The following RANBP2 variants were observed in gnomAD, a reference collection of about 807,000 sequenced individuals.
The protein encoded by RANBP2 is E3 SUMO-protein ligase RanBP2.
A neutral mutation model predicts 303.6 loss-of-function variants in RANBP2; 57 were observed. That is an observed-to-expected ratio of 0.19 (90% CI 0.15 to 0.23). The LOEUF is 0.23. RANBP2 is among the 10% of genes least tolerant of loss of function. The pLI is 1.00. For synonymous variants in RANBP2, 1,167 were observed against 1,301.5 expected (o/e 0.90, Z 2.23); for missense variants, 3,138 against 3,780.8 (o/e 0.83, Z 4.46).
chr2:109,192,511 C>A, the RANBP2 span, among the ~76,000 whole-genome samples: 1 of 152,100 alleles, frequency 6.6e-6, no homozygotes, highest in African/African-American at 2.4e-5. Context: ...TCAGAGTAAG[C>A]CTTTCTTATA....
At chr2:108,858,124 A>T in the RANBP2 span, among the ~76,000 whole-genome samples, 1 of 152,194 alleles carries the variant, frequency 6.6e-6, no homozygotes, top group Admixed American at 6.5e-5. Context: ...CGGGCAGATC[A>T]CTGGAGATCA....
the RANBP2 span, among the ~76,000 whole-genome samples, chr2:109,700,375 A>G: frequency 6.6e-6 from 1 of 152,092 alleles, no homozygotes; most frequent in African/African-American, 2.4e-5. Flanking sequence ...GATTTTATAC[A>G]TTTTAGGGAG....
At chr2:109,710,308 G>C in the RANBP2 span, among the ~76,000 whole-genome samples, 1 of 151,914 alleles carries the variant, frequency 6.6e-6, no homozygotes. Flanking sequence ...CTTCAACCCA[G>C]GAGGCGGAGG....
chr2:108,782,705 G>T lies in RANBP2; in HGVS notation c.9212G>T (p.Cys3071Phe), dbSNP rs772202705. The change falls in exon 28 of 29, where the codon TGT (cysteine) becomes TTT (phenylalanine). Residue 3071 changes from cysteine (C) to phenylalanine (F), a missense_variant. By Grantham distance (205) the Cys-to-Phe change is radical (BLOSUM62 -2). Around this residue, in one of 20 missense-constraint regions of RANBP2, gnomAD observed 204 missense variants for 228.4 expected, o/e 0.89. Coordinates refer to ENST00000283195, the MANE Select transcript of RANBP2 (RefSeq NM_006267.5). ...ETNPVVFFDV[C>F]ADGEPLGRIT... ...AATCCTGTGGTGTTTTTTGATGTTT[G>T]TGCGGACGGTGAACCTCTAGGGCGG... 8.1e-6 allele frequency: 13 copies of T among 1,614,110 alleles called. No individual in the cohort carries two copies. The highest frequency in any genetic ancestry group is 5.5e-5 in the South Asian group (5 of 91,090).
the RANBP2 span, among the ~76,000 whole-genome samples, chr2:108,932,402 A>T: frequency 6.6e-6 from 1 of 151,636 alleles, no homozygotes; most frequent in Admixed American, 6.6e-5. Context: ...GGTGGTGGGC[A>T]CCTGTAGTCC....
chr2:108,833,653 T>C, the RANBP2 span, among the ~76,000 whole-genome samples: 1 of 151,948 alleles, frequency 6.6e-6, no homozygotes, highest in Non-Finnish European at 1.5e-5. Context: ...ATACCAGTAC[T>C]TACATAATAA....
chr2:109,518,915 C>CTTTTTTTTTTTTTTTT, the RANBP2 span, among the ~76,000 whole-genome samples: 16 of 110,988 alleles, frequency 1.4e-4, 1 homozygote, highest in African/African-American at 5.5e-4. Context: ...TGCTACATAT[C>CTTTTTTTTTTTTTTTT]TTTTTTTTTT....
the RANBP2 span, among the ~76,000 whole-genome samples, chr2:109,627,683 A>C: frequency 1.3e-5 from 2 of 152,222 alleles, no homozygotes; most frequent in African/African-American, 4.8e-5. Context: ...CACAAGGGTG[A>C]CACTCTCCTG....
At chr2:108,737,356 T>C (rs1211374544) in intron 6 of RANBP2, among the ~76,000 whole-genome samples, 1 of 148,204 alleles carries the variant, frequency 6.7e-6, no homozygotes, top group Non-Finnish European at 1.5e-5. Flanking sequence ...TTTTGTTTTT[T>C]TGAGATGGAG....
chr2:109,145,302 C>T, the RANBP2 span, among the ~76,000 whole-genome samples: 1 of 152,162 alleles, frequency 6.6e-6, no homozygotes, highest in African/African-American at 2.4e-5. Flanking sequence ...GGTTACAAGC[C>T]CACTCAGCCC....
the RANBP2 span, among the ~76,000 whole-genome samples, chr2:109,184,792 A>G: frequency 2.6e-5 from 4 of 152,256 alleles, no homozygotes; most frequent in Non-Finnish European, 5.9e-5. Flanking sequence ...GTTGTGCCAC[A>G]TACAAGAAAG....
At chr2:108,920,219 G>A in the RANBP2 span, among the ~76,000 whole-genome samples, 5 of 152,254 alleles carry the variant, frequency 3.3e-5, no homozygotes, top group Non-Finnish European at 7.3e-5. Context: ...TGGCACTGGA[G>A]TAAGCACTCC....
the RANBP2 span, among the ~76,000 whole-genome samples, chr2:109,652,535 C>G: frequency 1.3e-5 from 2 of 152,138 alleles, no homozygotes; most frequent in African/African-American, 4.8e-5. Flanking sequence ...ATCACCGTAT[C>G]CTGAGAAACT....
At chr2:108,862,492 AT>A in the RANBP2 span, among the ~76,000 whole-genome samples, 1 of 152,178 alleles carries the variant, frequency 6.6e-6, no homozygotes, top group Admixed American at 6.5e-5. Context: ...TAATGTGGTG[AT>A]TACAGTTAAT....
chr2:109,054,851 A>G, the RANBP2 span, among the ~76,000 whole-genome samples: 19 of 152,236 alleles, frequency 1.2e-4, no homozygotes, highest in African/African-American at 4.3e-4. Flanking sequence ...TTCTATCACC[A>G]TAGCTTAGTT....
chr2:109,169,777 C>A, the RANBP2 span, among the ~76,000 whole-genome samples: 1 of 151,462 alleles, frequency 6.6e-6, no homozygotes, highest in African/African-American at 2.4e-5. Flanking sequence ...CACACATGAC[C>A]CCCCAAAATC....
chr2:109,249,479 TTC>T, the RANBP2 span, among the ~76,000 whole-genome samples: 1 of 19,038 alleles, frequency 5.3e-5, no homozygotes, highest in East Asian at 2.9e-3. Context: ...CTTTCTTTCT[TTC>T]TTTCTTTCTT....
chr2:109,255,290 C>T, the RANBP2 span, among the ~76,000 whole-genome samples: 20 of 152,162 alleles, frequency 1.3e-4, no homozygotes, highest in Non-Finnish European at 2.6e-4. Context: ...CACTGGGCTT[C>T]CAGCAGACCC....
the RANBP2 span, among the ~76,000 whole-genome samples, chr2:109,074,037 AAG>A: frequency 6.6e-6 from 1 of 150,834 alleles, no homozygotes; most frequent in African/African-American, 2.4e-5. Context: ...AAGAGAGAAA[AAG>A]AGGGACAAAA....
Sources: gnomAD v4.1 joint callset for allele counts (sites outside exome capture counted in the v4.1 genomes callset) on GRCh38, gnomAD v4.1.1 for gene constraint, gnomAD v4.1.1 regional missense constraint, MANE v1.5 for transcripts, NCBI Gene and HGNC (gene_info 2026-07-23, HGNC 2026-07-21) for gene names.